Variants in STIM1 observed in about 807,000 individuals in gnomAD.
STIM1 encodes the protein stromal interaction molecule 1.
In STIM1, 25 loss-of-function variants were observed where a neutral mutation model predicts 74.7. That is an observed-to-expected ratio of 0.33 (90% CI 0.24 to 0.47). The LOEUF (loss-of-function observed/expected upper bound fraction) is 0.47. Ranked by LOEUF, STIM1 falls within the 20% of genes least tolerant of loss-of-function variation. The pLI, the probability that STIM1 is intolerant of heterozygous loss-of-function variation, is 1.00. For synonymous variants in STIM1, 328 were observed against 348.8 expected, an observed-to-expected ratio of 0.94 and a Z score of 0.66; for missense variants, 728 against 920.8, an observed-to-expected ratio of 0.79 and a Z score of 2.71.
At chr11:3,914,874 T>C (rs1053861374) in intron 1 of STIM1, among the ~76,000 whole-genome samples, 2 of 152,216 alleles carry the variant, frequency 1.3e-5, no homozygotes, top group African/African-American at 2.4e-5. Context: ...ATCAGCAGTG[T>C]ATAAGGGGTT....
intron 1 of STIM1, among the ~76,000 whole-genome samples, chr11:3,896,383 A>G (rs753895480): frequency 6.6e-5 from 10 of 152,152 alleles, no homozygotes; most frequent in African/African-American, 2.4e-4. Context: ...AGAGTAGTTG[A>G]CTTACTCACG....
rs528893117 is a variant in STIM1, at chr11:3,897,484, TTTTG to T, written c.139+41091_139+41094del. Among the ~76,000 whole-genome samples, 54 of 152,226 alleles carry T rather than the reference TTTTG, an allele frequency of 3.5e-4. No homozygotes were observed. The South Asian group carries it at 5.0e-3, about 14-fold the overall frequency. On this transcript the variant is annotated intron_variant, in intron 1 of 12. Coordinates refer to ENST00000526596, the MANE Select transcript of STIM1 (RefSeq NM_001382567.1). ...TACCTTTATATATTTGTACAGTGCT[TTTTG>T]TTTGTTTGTTTGTTTTTATTTTTTT... is the stretch of plus-strand genomic sequence containing the variant.
intron 2 of STIM1, among the ~76,000 whole-genome samples, chr11:4,002,519 A>C (rs2135915477): frequency 6.7e-6 from 1 of 149,900 alleles, no homozygotes; most frequent in Admixed American, 6.7e-5. Flanking sequence ...GGCAGAAATA[A>C]AGATGTTCTT....
intron 1 of STIM1, among the ~76,000 whole-genome samples, chr11:3,861,483 C>T (rs1475542880): frequency 2.0e-5 from 3 of 152,148 alleles, no homozygotes; most frequent in Admixed American, 6.5e-5. Context: ...ATCTGCCTGC[C>T]TCGGCCTCCC....
chr11:3,858,764 G>T (rs748970377), intron 1 of STIM1, among the ~76,000 whole-genome samples: 1 of 152,160 alleles, frequency 6.6e-6, no homozygotes, highest in Non-Finnish European at 1.5e-5. Flanking sequence ...GTCAATTTGT[G>T]TGTTCTCTGC....
chr11:4,055,293 G>C (rs1228134033), intron 3 of STIM1, among the ~76,000 whole-genome samples: 1 of 152,128 alleles, frequency 6.6e-6, no homozygotes, highest in African/African-American at 2.4e-5. Context: ...TCAGTCCCCA[G>C]CTCCCTTCCT....
At chr11:3,912,755 ATTCT>A (rs1440877703) in intron 1 of STIM1, among the ~76,000 whole-genome samples, 1 of 152,192 alleles carries the variant, frequency 6.6e-6, no homozygotes, top group African/African-American at 2.4e-5. Flanking sequence ...GGGCTCTCTC[ATTCT>A]TTATTTAATG....
chr11:4,020,765 T>TG (rs1434127529), intron 2 of STIM1, among the ~76,000 whole-genome samples: 1 of 148,862 alleles, frequency 6.7e-6, no homozygotes, highest in Non-Finnish European at 1.5e-5. Context: ...CCTGGCTAAT[T>TG]TTTTTTTTTT....
chr11:3,901,312 G>T (rs769049624), intron 1 of STIM1, among the ~76,000 whole-genome samples: 1 of 152,160 alleles, frequency 6.6e-6, no homozygotes, highest in Admixed American at 6.5e-5. Flanking sequence ...ATAAGGAAAG[G>T]TATACAGGGT....
At position 4,084,708 on chromosome 11, in the gene STIM1, C is replaced by G; in HGVS notation, c.1510C>G (p.Arg504Gly). ...AWLMGRRFSDRSLCSTSAGSD... is the reference protein window; with the variant it reads ...AWLMGRRFSDGSLCSTSAGSD... ...GCTGATGGGGCGTAGGTTCAGTGAC[C>G]GCTCTCTCTGCTCTACATCCGCCGG... is the stretch of plus-strand genomic sequence containing the variant. Residue 504 changes from arginine (R) to glycine (G), a missense_variant, in exon 11 of 13, where the codon CGC becomes GGC. Arg to Gly is a moderately radical substitution (Grantham distance 125). Around this residue, in one of 5 missense-constraint regions of STIM1, gnomAD observed 352 missense variants for 370.1 expected, o/e 0.95. Transcript: ENST00000526596. 1 of 1,289,378 alleles carries G rather than the reference C, an allele frequency of 7.8e-7. No homozygotes were observed. Among genetic ancestry groups the G allele is most frequent in the Non-Finnish European group, 1.0e-6 (1 of 988,872 alleles). The allele number at this position is 1,289,378 out of a possible 1,614,324, so 79.9% of individuals were successfully genotyped here.
At chr11:4,023,619 A>T (rs2093976061) in intron 2 of STIM1, among the ~76,000 whole-genome samples, 1 of 152,042 alleles carries the variant, frequency 6.6e-6, no homozygotes, top group Non-Finnish European at 1.5e-5. Context: ...TTGTCTTTTC[A>T]TAGTTAAAAA....
chr11:3,905,586 T>A (rs1193216884), intron 1 of STIM1, among the ~76,000 whole-genome samples: 4 of 152,154 alleles, frequency 2.6e-5, no homozygotes, highest in Non-Finnish European at 5.9e-5. Flanking sequence ...TAAGTAATCA[T>A]TGCACCATTT....
chr11:4,089,536 C>T (rs1224464966), intron 12 of STIM1, among the ~76,000 whole-genome samples: 4 of 152,170 alleles, frequency 2.6e-5, no homozygotes, highest in Non-Finnish European at 5.9e-5. Context: ...TATATGAAAC[C>T]AAATATGAGA....
At chr11:3,983,637 A>G (rs1350640744) in intron 2 of STIM1, among the ~76,000 whole-genome samples, 1 of 152,036 alleles carries the variant, frequency 6.6e-6, no homozygotes, top group African/African-American at 2.4e-5. Context: ...AAGTGGCTCT[A>G]GTTTTATTTT....
chr11:3,882,092 CTT>C (rs946580998), intron 1 of STIM1, among the ~76,000 whole-genome samples: 2 of 92,310 alleles, frequency 2.2e-5, no homozygotes. Context: ...CACTTCATTC[CTT>C]TTTTTTTTTT....
intron 3 of STIM1, among the ~76,000 whole-genome samples, chr11:4,025,199 C>A (rs1368644210): frequency 6.6e-6 from 1 of 152,156 alleles, no homozygotes; most frequent in Non-Finnish European, 1.5e-5. Flanking sequence ...TTTTTATTTA[C>A]ATTTTAATTT....
intron 1 of STIM1, among the ~76,000 whole-genome samples, chr11:3,895,218 C>T (rs1283858145): frequency 1.3e-5 from 2 of 152,188 alleles, no homozygotes; most frequent in East Asian, 3.9e-4. Flanking sequence ...GGAGCAAGGC[C>T]TTAATTACTT....
intron 3 of STIM1, among the ~76,000 whole-genome samples, chr11:4,055,270 G>A (rs1297298761): frequency 1.3e-5 from 2 of 152,166 alleles, no homozygotes; most frequent in Non-Finnish European, 2.9e-5. Context: ...TTGCATTTGT[G>A]ATTTTTTCCC....
intron 3 of STIM1, among the ~76,000 whole-genome samples, chr11:4,036,362 G>T (rs183167815): frequency 6.6e-6 from 1 of 152,116 alleles, no homozygotes; most frequent in Non-Finnish European, 1.5e-5. Flanking sequence ...ATTCCTTTGG[G>T]TGTATACCCA....
Sources: gnomAD v4.1 joint callset for allele counts (sites outside exome capture counted in the v4.1 genomes callset) on GRCh38, gnomAD v4.1.1 for gene constraint, gnomAD v4.1.1 regional missense constraint, MANE v1.5 for transcripts, NCBI Gene and HGNC (gene_info 2026-07-23, HGNC 2026-07-21) for gene names.